The following SLC1A2 variants were observed in gnomAD, a reference collection of about 807,000 sequenced individuals.
SLC1A2 encodes excitatory amino acid transporter 2.
In SLC1A2, 15 loss-of-function variants were observed where a neutral mutation model predicts 48.8. That is an observed-to-expected ratio of 0.31 (90% CI 0.21 to 0.47). The LOEUF is 0.47. Ranked by LOEUF, SLC1A2 falls within the 20% of genes least tolerant of loss-of-function variation. The pLI is 0.99. For synonymous variants in SLC1A2, 279 were observed against 272.6 expected (o/e 1.02, Z -0.23); for missense variants, 502 against 730.5 (o/e 0.69, Z 3.61).
intron 1 of SLC1A2, among the ~76,000 whole-genome samples, chr11:35,382,165 C>T (rs1044186757): frequency 4.6e-5 from 7 of 152,210 alleles, no homozygotes; most frequent in African/African-American, 7.2e-5. Context: ...CTACAAGGCC[C>T]GTGGTAACCA....
chr11:35,322,431 G>A (rs768033335), intron 1 of SLC1A2: 43 of 623,136 alleles, frequency 6.9e-5, no homozygotes, highest in Non-Finnish European at 1.1e-4. Flanking sequence ...TGTCACCTTA[G>A]CTGGCACCAA....
At chr11:35,373,976 C>T (rs915147292) in intron 1 of SLC1A2, among the ~76,000 whole-genome samples, 2 of 152,176 alleles carry the variant, frequency 1.3e-5, no homozygotes, top group African/African-American at 2.4e-5. Flanking sequence ...CTGACTCCTC[C>T]GTGTCTTAGC....
chr11:35,271,464 G>T (rs527383183), intron 9 of SLC1A2, among the ~76,000 whole-genome samples: 2 of 152,336 alleles, frequency 1.3e-5, no homozygotes, highest in South Asian at 4.1e-4. Context: ...GGCAAGATAA[G>T]AGCCTGCAAA....
In SLC1A2 at chr11:35,262,907, C is replaced by T. The variant is rs1320882964; in HGVS notation, c.1654-1942G>A. Among the ~76,000 whole-genome samples the T allele has an allele frequency of 9.2e-5, 14 of 152,222 alleles. 1 individual carries two copies. On this transcript the variant is annotated intron_variant, in intron 10 of 10. Coordinates refer to ENST00000278379, the MANE Select transcript of SLC1A2 (RefSeq NM_004171.4). ...AATGAGTTTGCAGGTGGTTGGCTGG[C>T]TAACCATTTACATAGAGACTGAGCC...
At chr11:35,357,872 T>C (rs1022242339) in intron 1 of SLC1A2, among the ~76,000 whole-genome samples, 2 of 152,146 alleles carry the variant, frequency 1.3e-5, no homozygotes, top group African/African-American at 4.8e-5. Flanking sequence ...AAAGGCAGTG[T>C]GCCATGGCTC....
intron 8 of SLC1A2, 42 bp from the exon 9 acceptor site, chr11:35,281,043 T>A (rs373182027): frequency 2.0e-5 from 30 of 1,518,652 alleles, no homozygotes; most frequent in Non-Finnish European, 2.5e-5. Context: ...ATGGAAAGAA[T>A]CTTAGCAAAA....
intron 10 of SLC1A2, chr11:35,264,180 T>C (rs144860887): frequency 1.3e-5 from 2 of 152,374 alleles, no homozygotes; most frequent in Non-Finnish European, 2.9e-5. Flanking sequence ...TTCACCCATG[T>C]ATGTATCTTA....
chr11:35,360,611 G>C lies in SLC1A2; in HGVS notation c.18-43095C>G, dbSNP rs145112626. Among the ~76,000 whole-genome samples the C allele has an allele frequency of 2.3e-3, 354 of 152,322 alleles. 1 individual carries two copies. Among genetic ancestry groups the C allele is most frequent in the African/African-American group, 8.1e-3 (336 of 41,574 alleles). On this transcript the variant is annotated intron_variant, in intron 1 of 10. Transcript: ENST00000278379. ...AAACTAGCTCATTTTAAGGCCCAGAGATGCCCCAGCTTCTGATCTTTTCTT... is the reference window on the plus strand; with the variant it reads ...AAACTAGCTCATTTTAAGGCCCAGACATGCCCCAGCTTCTGATCTTTTCTT...
At chr11:35,323,767 T>A (rs888873824) in intron 1 of SLC1A2, among the ~76,000 whole-genome samples, 2 of 152,242 alleles carry the variant, frequency 1.3e-5, no homozygotes, top group Non-Finnish European at 2.9e-5. Context: ...CATTTCTTGA[T>A]GTTTTTGTGT....
At chr11:35,320,922 G>C (rs943419289) in intron 1 of SLC1A2, among the ~76,000 whole-genome samples, 1 of 152,178 alleles carries the variant, frequency 6.6e-6, no homozygotes, top group Admixed American at 6.5e-5. Context: ...AGTGCTCAGA[G>C]GGGGGTTGTA....
intron 1 of SLC1A2, among the ~76,000 whole-genome samples, chr11:35,346,266 C>T (rs1297093466): frequency 1.3e-5 from 2 of 152,168 alleles, no homozygotes; most frequent in Admixed American, 6.5e-5. Flanking sequence ...CATCCATTTC[C>T]ATCCCACCTC....
intron 1 of SLC1A2, chr11:35,323,231 G>GC: frequency 5.6e-6 from 1 of 179,866 alleles, no homozygotes; most frequent in South Asian, 1.2e-4. Context: ...ACAGTGTATA[G>GC]CTATCCTGAA....
intron 1 of SLC1A2, among the ~76,000 whole-genome samples, chr11:35,346,093 C>T (rs925938789): frequency 1.3e-5 from 2 of 152,024 alleles, no homozygotes; most frequent in African/African-American, 2.4e-5. Context: ...GTTCTGGCAT[C>T]CATGTGCAGA....
intron 1 of SLC1A2, among the ~76,000 whole-genome samples, chr11:35,393,192 A>G (rs1854836387): frequency 6.6e-6 from 1 of 152,188 alleles, no homozygotes; most frequent in Admixed American, 6.5e-5. Flanking sequence ...CAGAAGCCCA[A>G]GATGCATCAT....
intron 10 of SLC1A2, chr11:35,264,776 C>T (rs1019330016): frequency 6.6e-6 from 1 of 152,116 alleles, no homozygotes; most frequent in Non-Finnish European, 1.5e-5. Flanking sequence ...TTCACCTTTC[C>T]CACACAAATA....
chr11:35,281,133 A>G, intron 8 of SLC1A2, 132 bp from the exon 9 acceptor site: 1 of 1,251,192 alleles, frequency 8.0e-7, no homozygotes, highest in Non-Finnish European at 1.1e-6. Context: ...ACTCTCCACC[A>G]AGGAATAGAG....
intron 1 of SLC1A2, among the ~76,000 whole-genome samples, chr11:35,383,620 G>A (rs1297157701): frequency 6.6e-6 from 1 of 152,144 alleles, no homozygotes; most frequent in African/African-American, 2.4e-5. Context: ...CACCTCATGG[G>A]GTTGTTCTGA....
At chr11:35,340,599 T>C (rs1261836839) in intron 1 of SLC1A2, among the ~76,000 whole-genome samples, 3 of 152,234 alleles carry the variant, frequency 2.0e-5, no homozygotes, top group African/African-American at 7.2e-5. Context: ...AGCTTCAGTT[T>C]CCTTGTCCAT....
intron 1 of SLC1A2, among the ~76,000 whole-genome samples, chr11:35,370,515 G>A (rs1337438457): frequency 6.6e-6 from 1 of 152,196 alleles, no homozygotes; most frequent in East Asian, 1.9e-4. Flanking sequence ...CTCACCAAGA[G>A]AAAAGAAGAC....
Sources: gnomAD v4.1 joint callset for allele counts (sites outside exome capture counted in the v4.1 genomes callset) on GRCh38, gnomAD v4.1.1 for gene constraint, MANE v1.5 for transcripts, NCBI Gene and HGNC (gene_info 2026-07-23, HGNC 2026-07-21) for gene names.